Variants in ZNF257 observed in about 807,000 individuals in gnomAD.
The protein encoded by ZNF257 is bone marrow zinc finger 4.
In ZNF257, 12 loss-of-function variants were observed where a neutral mutation model predicts 11.9. That is an observed-to-expected ratio of 1.01 (90% confidence interval 0.65 to 1.63). ZNF257 has a LOEUF of 1.63. Among genes scored for constraint, ZNF257 ranks in the 40% most tolerant of loss-of-function variants. The probability of loss-of-function intolerance (pLI) is 0.00; values close to 1 mark genes in which losing one functional copy is unlikely to be tolerated. For missense variants in ZNF257, 580 were observed against 665.5 expected (o/e 0.87, Z 1.41); for synonymous variants, 183 against 222.7 (o/e 0.82, Z 1.59).
At chr19:22,060,841 A>G (rs2021777923) in intron 1 of ZNF257, among the ~76,000 whole-genome samples, 1 of 152,182 alleles carries the variant, frequency 6.6e-6, no homozygotes, top group Non-Finnish European at 1.5e-5. Flanking sequence ...TCAGTCTTCT[A>G]CATAGTGCTA....
chr19:22,054,060 C>G (rs192226046), intron 1 of ZNF257, among the ~76,000 whole-genome samples: 5 of 150,212 alleles, frequency 3.3e-5, no homozygotes, highest in Admixed American at 6.6e-5. Flanking sequence ...ACTAATTTTC[C>G]GCTGATTTGT....
At chr19:22,087,668 T>C (rs1841005644) in intron 3 of ZNF257, 2 of 856,262 alleles carry the variant, frequency 2.3e-6, no homozygotes, top group African/African-American at 3.6e-5. Context: ...GGGCACTATG[T>C]TATACTGAGG....
intron 1 of ZNF257, among the ~76,000 whole-genome samples, chr19:22,058,864 C>A (rs1252720897): frequency 6.6e-6 from 1 of 152,036 alleles, no homozygotes; most frequent in Non-Finnish European, 1.5e-5. Context: ...CTAGACACCA[C>A]CCTCAGGAAT....
At chr19:22,086,453 G>T (rs934825000) in intron 3 of ZNF257, among the ~76,000 whole-genome samples, 14 of 151,670 alleles carry the variant, frequency 9.2e-5, no homozygotes, top group African/African-American at 3.1e-4. Flanking sequence ...AATGTTTTCT[G>T]TCCCATTATG....
At chr19:22,053,121 A>G (rs1971739282) in intron 1 of ZNF257, among the ~76,000 whole-genome samples, 1 of 152,238 alleles carries the variant, frequency 6.6e-6, no homozygotes. Context: ...CTGTAATCCC[A>G]GCACTTTGGG....
intron 3 of ZNF257, among the ~76,000 whole-genome samples, chr19:22,082,144 T>G (rs1179270628): frequency 6.6e-6 from 1 of 152,166 alleles, no homozygotes; most frequent in Non-Finnish European, 1.5e-5. Flanking sequence ...TATTACAAAT[T>G]ATATCTAATA....
At chr19:22,061,540 C>T (rs916442605) in intron 1 of ZNF257, among the ~76,000 whole-genome samples, 6 of 151,592 alleles carry the variant, frequency 4.0e-5, no homozygotes, top group African/African-American at 1.2e-4. Flanking sequence ...TTTTCTGTCA[C>T]GACTATAGTC....
chr19:22,062,078 T>TTTTGG (rs2021810755), intron 1 of ZNF257, among the ~76,000 whole-genome samples: 1 of 147,026 alleles, frequency 6.8e-6, no homozygotes, highest in Non-Finnish European at 1.5e-5. Flanking sequence ...TTTTTTTTTT[T>TTTTGG]GAGACAGAGA....
chr19:22,058,995 C>T (rs2145686070), intron 1 of ZNF257, among the ~76,000 whole-genome samples: 1 of 152,278 alleles, frequency 6.6e-6, no homozygotes, highest in South Asian at 2.1e-4. Context: ...GTTTTCTCCA[C>T]CAACCTAGGG....
intron 1 of ZNF257, among the ~76,000 whole-genome samples, chr19:22,057,208 C>T (rs1468034971): frequency 6.6e-6 from 1 of 152,004 alleles, no homozygotes; most frequent in African/African-American, 2.4e-5. Context: ...ATATAAGCAC[C>T]TTAATTTTTT....
intron 1 of ZNF257, among the ~76,000 whole-genome samples, chr19:22,053,839 C>G (rs1218785701): frequency 6.6e-6 from 1 of 151,894 alleles, no homozygotes; most frequent in East Asian, 2.0e-4. Flanking sequence ...GCAGGAGAAT[C>G]GCTTGAACCC....
intron 3 of ZNF257, 146 bp from the exon 4 acceptor site, chr19:22,087,831 T>G: frequency 1.2e-6 from 1 of 841,008 alleles, no homozygotes; most frequent in Non-Finnish European, 1.6e-6. Flanking sequence ...TGTTACATTT[T>G]ATATGTTTTT....
intron 1 of ZNF257, among the ~76,000 whole-genome samples, chr19:22,070,047 TTGG>T (rs750998140): frequency 7.2e-5 from 11 of 151,822 alleles, no homozygotes; most frequent in Non-Finnish European, 1.3e-4. Context: ...AGAGTTTTGG[TTGG>T]TGAAGCCTGC....
intron 3 of ZNF257, among the ~76,000 whole-genome samples, chr19:22,084,800 C>T (rs896981887): frequency 3.4e-5 from 5 of 148,800 alleles, no homozygotes; most frequent in African/African-American, 7.5e-5. Context: ...GGAGTGATCT[C>T]GGCTAACTAA....
intron 1 of ZNF257, among the ~76,000 whole-genome samples, chr19:22,070,450 T>A (rs10401922): frequency 0.24 from 35,958 of 149,434 alleles, 5,817 homozygotes; most frequent in African/African-American, 0.46. Flanking sequence ...ATGAAGATTA[T>A]GTCACATAAT....
rs766105689 is a variant in ZNF257, at chr19:22,088,564, A to T, written c.814A>T (p.Ile272Phe). The change falls in exon 4 of 4, where the codon ATT becomes TTT. Residue 272 changes from isoleucine (I) to phenylalanine (F), a missense_variant. Transcript: ENST00000594947. ...CAAAGCCTTTAACCGGTCTTCACAC[A>T]TTACTCAACATAAGAGAATTCATAA... ...CGKAFNRSSHITQHKRIHNRE... is the reference protein window; with the variant it reads ...CGKAFNRSSHFTQHKRIHNRE... 5 of 1,598,708 alleles carry T rather than the reference A, an allele frequency of 3.1e-6. No individual in the cohort carries two copies. The Admixed American group carries it at 5.1e-5, about 16-fold the overall frequency.
chr19:22,082,086 T>TAAC (rs35869969), intron 3 of ZNF257, among the ~76,000 whole-genome samples: 36,088 of 151,908 alleles, frequency 0.24, 5,899 homozygotes, highest in African/African-American at 0.46. Flanking sequence ...TTTAATCTCA[T>TAAC]AACTTCAACT....
chr19:22,078,852 G>A (rs2022293633), intron 3 of ZNF257, among the ~76,000 whole-genome samples: 1 of 149,770 alleles, frequency 6.7e-6, no homozygotes, highest in East Asian at 1.9e-4. Context: ...GAGTGCAATG[G>A]TGCAATCTCT....
In ZNF257 at chr19:22,057,996, A is replaced by C. The variant is rs1212520390; in HGVS notation, c.3+5361A>C. The stretch of plus-strand genomic sequence containing the variant: ...AGGCTGGTCTTGAACTCCTGACCTC[A>C]GGTGATCCACCCACCTCGGCCTCCC... On this transcript the variant is annotated intron_variant, in intron 1 of 3. Transcript: ENST00000594947. 2.6e-5 allele frequency among the ~76,000 whole-genome samples: 4 copies of C among 152,150 alleles called. No individual in the cohort carries two copies. In the South Asian group the frequency reaches 6.2e-4, roughly 24 times the overall value.
Sources: gnomAD v4.1 joint callset for allele counts (sites outside exome capture counted in the v4.1 genomes callset) on GRCh38, gnomAD v4.1.1 for gene constraint, MANE v1.5 for transcripts, NCBI Gene and HGNC (gene_info 2026-07-23, HGNC 2026-07-21) for gene names.